The following CACNA1S variants were observed in gnomAD, a reference collection of about 807,000 sequenced individuals.
CACNA1S encodes the protein calcium voltage-gated channel subunit alpha1 S.
Under a neutral mutation model 207.4 loss-of-function variants are expected in CACNA1S, and 126 were observed. The ratio of observed to expected loss-of-function variants is 0.61; its 90% CI spans 0.53 to 0.70. CACNA1S has a LOEUF of 0.70. Among genes scored for constraint, CACNA1S ranks in the 30% least tolerant of loss-of-function variants. CACNA1S has a pLI of 0.00. For missense variants in CACNA1S, 2,349 were observed against 2,422.8 expected (o/e 0.97, Z 0.64); for synonymous variants, 960 against 932.7 (o/e 1.03, Z -0.53).
Position 201,109,448 on chromosome 1 carries a change from G to T in CACNA1S, c.258+716C>A, listed in dbSNP as rs145373257. Among the ~76,000 whole-genome samples the T allele has an allele frequency of 1.3e-4, 20 of 152,238 alleles. 1 individual carries two copies. Among genetic ancestry groups the T allele is most frequent in the African/African-American group, 4.8e-4 (20 of 41,534 alleles). On this transcript the variant is annotated intron_variant, in intron 2 of 43. Coordinates refer to ENST00000362061, the MANE Select transcript of CACNA1S (RefSeq NM_000069.3). ...ATAATACAATAATGTAAAATATTTAGCACAAATCCTGGCATTTAATAAGCA... is the reference window on the plus strand; with the variant it reads ...ATAATACAATAATGTAAAATATTTATCACAAATCCTGGCATTTAATAAGCA...
chr1:201,047,960 C>T (rs1660521715), intron 36 of CACNA1S, among the ~76,000 whole-genome samples: 1 of 152,242 alleles, frequency 6.6e-6, no homozygotes, highest in African/African-American at 2.4e-5. Context: ...CCCAGGCAGA[C>T]TTGCTGCAGC....
rs960763862 is a variant in CACNA1S at position 201,069,411 on chromosome 1, C to T, written c.2490+61G>A. On this transcript the variant is annotated intron_variant, in intron 18 of 43. Coordinates refer to ENST00000362061, the MANE Select transcript of CACNA1S (RefSeq NM_000069.3). ...ATAGAGGATACAGCTGAACCCTGGG[C>T]ACCAGACTGAGGCTGGAGGGGGCAG... 84 of 1,597,580 alleles carry T rather than the reference C, an allele frequency of 5.3e-5. 1 individual carries two copies. The South Asian group carries it at 8.8e-4, about 17-fold the overall frequency.
chr1:201,094,091 G>A, intron 2 of CACNA1S, 70 bp from the exon 3 acceptor site: 10 of 1,585,252 alleles, frequency 6.3e-6, no homozygotes, highest in Non-Finnish European at 8.7e-6. Flanking sequence ...CTTCCCTGCA[G>A]CCGTGCTGGG....
At chr1:201,089,537 A>C in intron 5 of CACNA1S, 74 bp from the exon 6 acceptor site, 2 of 1,428,244 alleles carry the variant, frequency 1.4e-6, no homozygotes, top group Admixed American at 3.6e-5. Flanking sequence ...GGTGTATAAG[A>C]GCAATTTAAG....
chr1:201,058,595 G>T, intron 27 of CACNA1S, 104 bp from the exon 28 acceptor site: 2 of 908,320 alleles, frequency 2.2e-6, no homozygotes, highest in Non-Finnish European at 1.8e-6. Flanking sequence ...GCGGAGCTGC[G>T]GGTTAGGCCA....
At chr1:201,043,173 A>G in intron 40 of CACNA1S, 108 bp downstream of exon 40, 1 of 1,467,312 alleles carries the variant, frequency 6.8e-7, no homozygotes, top group South Asian at 1.1e-5. Flanking sequence ...AAAGGCAAGC[A>G]AAAGACACCC....
intron 19 of CACNA1S, among the ~76,000 whole-genome samples, chr1:201,067,844 A>G (rs1297163958): frequency 6.6e-6 from 1 of 152,044 alleles, no homozygotes; most frequent in Non-Finnish European, 1.5e-5. Flanking sequence ...AATTCCTTCA[A>G]TAGTTGAGGC....
chr1:201,072,890 A>C, intron 15 of CACNA1S, 66 bp from the exon 16 acceptor site: 1 of 1,186,524 alleles, frequency 8.4e-7, no homozygotes, highest in South Asian at 1.2e-5. Flanking sequence ...CAATGAGCAT[A>C]TACTGGAGAG....
intron 37 of CACNA1S, 33 bp from the exon 38 acceptor site, chr1:201,047,272 G>A: frequency 5.0e-6 from 8 of 1,614,016 alleles, no homozygotes; most frequent in Non-Finnish European, 6.8e-6. Context: ...TGCCCTGAAG[G>A]CTAGTGGGAA....
intron 41 of CACNA1S, 80 bp downstream of exon 41, chr1:201,041,424 A>G (rs1447839338): frequency 9.9e-6 from 11 of 1,112,352 alleles, no homozygotes; most frequent in Non-Finnish European, 1.5e-5. Context: ...CCAAGTTCCC[A>G]GACTCTAAGA....
chr1:201,070,445 C>T, intron 16 of CACNA1S, 41 bp from the exon 17 acceptor site: 1 of 1,611,942 alleles, frequency 6.2e-7, no homozygotes, highest in Non-Finnish European at 8.5e-7. Flanking sequence ...TCTTCCCATG[C>T]TTTGCTATGC....
At chr1:201,082,173 T>TGC (rs1157970340) in intron 10 of CACNA1S, among the ~76,000 whole-genome samples, 1 of 151,844 alleles carries the variant, frequency 6.6e-6, no homozygotes, top group African/African-American at 2.4e-5. Context: ...GGACTACGGG[T>TGC]GCATGCCACC....
At position 201,065,850 on chromosome 1, in the gene CACNA1S, G is replaced by T. The variant is rs1210477192; in HGVS notation, c.2841C>A (p.Val947=). 2 of 1,613,686 alleles carry T rather than the reference G, an allele frequency of 1.2e-6. No individual in the cohort carries two copies. Among genetic ancestry groups the T allele is most frequent in the Non-Finnish European group, 1.7e-6 (2 of 1,179,656 alleles). The change falls in exon 22 of 44, where the codon GTC becomes GTA. Residue 947 remains valine, a synonymous_variant. Coordinates refer to ENST00000362061, the MANE Select transcript of CACNA1S (RefSeq NM_000069.3). ...LLQFMFACIG[V]QLFKGKFFRC... is the part of the protein sequence containing the mutation. ...GGCTGGGGCTCACCTTGAAGAGCTGGACGCCGATGCAGGCAAACATGAACT... is the reference window on the plus strand; with the variant it reads ...GGCTGGGGCTCACCTTGAAGAGCTGTACGCCGATGCAGGCAAACATGAACT...
At chr1:201,083,028 T>G in intron 10 of CACNA1S, 134 bp downstream of exon 10, 2 of 931,440 alleles carry the variant, frequency 2.1e-6, no homozygotes, top group South Asian at 2.8e-5. Context: ...GCACTCATGG[T>G]CCATAATTTT....
intron 25 of CACNA1S, 79 bp from the exon 26 acceptor site, chr1:201,060,895 G>T: frequency 1.3e-6 from 2 of 1,554,946 alleles, no homozygotes; most frequent in Admixed American, 3.3e-5. Context: ...TGGGATTGAC[G>T]GGCAAGTCAG....
At chr1:201,079,085 C>A (rs1661744934) in intron 10 of CACNA1S, among the ~76,000 whole-genome samples, 1 of 147,662 alleles carries the variant, frequency 6.8e-6, no homozygotes, top group African/African-American at 2.5e-5. Flanking sequence ...CAAGCCACTG[C>A]ACTCTGGCCT....
At chr1:201,105,882 C>CA (rs1662861329) in intron 2 of CACNA1S, among the ~76,000 whole-genome samples, 2 of 152,190 alleles carry the variant, frequency 1.3e-5, no homozygotes, top group South Asian at 2.1e-4. Context: ...CTCGCACACA[C>CA]GGCAACTGAG....
At chr1:201,069,059 C>T in intron 19 of CACNA1S, 78 bp downstream of exon 19, 1 of 1,273,586 alleles carries the variant, frequency 7.9e-7, no homozygotes, top group Non-Finnish European at 1.1e-6. Context: ...TCTCTCCAGC[C>T]CCTGAGTTCA....
At chr1:201,089,535 A>G (rs1477120120) in intron 5 of CACNA1S, 72 bp from the exon 6 acceptor site, 1 of 1,450,794 alleles carries the variant, frequency 6.9e-7, no homozygotes, top group Non-Finnish European at 9.5e-7. Context: ...AAGGTGTATA[A>G]GAGCAATTTA....
Sources: allele counts gnomAD v4.1 joint callset (sites outside exome capture counted in the v4.1 genomes callset), GRCh38; gene constraint gnomAD v4.1.1; transcripts MANE v1.5; gene names NCBI Gene and HGNC (gene_info 2026-07-23, HGNC 2026-07-21).